Variants in COL14A1 observed in about 807,000 individuals in gnomAD.
COL14A1 encodes collagen type XIV alpha 1 chain, also known as collagen alpha-1(XIV) chain.
A neutral mutation model predicts 230.3 loss-of-function variants in COL14A1; 136 were observed. The ratio of observed to expected loss-of-function variants is 0.59; its 90% confidence interval spans 0.51 to 0.68. COL14A1 has a LOEUF of 0.68. Among genes scored for constraint, COL14A1 ranks in the 30% least tolerant of loss-of-function variants. The pLI is 0.00. For synonymous variants in COL14A1, 792 were observed against 784.1 expected (o/e 1.01, Z -0.17); for missense variants, 1,976 against 2,215.8 (o/e 0.89, Z 2.17).
At chr8:120,233,957 A>C (rs1818358366) in intron 19 of COL14A1, among the ~76,000 whole-genome samples, 1 of 152,186 alleles carries the variant, frequency 6.6e-6, no homozygotes, top group Admixed American at 6.5e-5. Flanking sequence ...TGAGCATGAA[A>C]TATTTTTCCA....
At chr8:120,293,777 G>A (rs1820442955) in intron 34 of COL14A1, among the ~76,000 whole-genome samples, 1 of 151,822 alleles carries the variant, frequency 6.6e-6, no homozygotes, top group Admixed American at 6.6e-5. Context: ...ACCATTATTT[G>A]AATTACAACC....
intron 40 of COL14A1, among the ~76,000 whole-genome samples, chr8:120,323,925 A>G (rs1385085450): frequency 6.6e-6 from 1 of 152,206 alleles, no homozygotes; most frequent in Admixed American, 6.5e-5. Flanking sequence ...TTTAAGCAAC[A>G]TGGATGGAGC....
rs777961950 is a variant in COL14A1 at position 120,208,356 on chromosome 8, C to G, written c.1316C>G (p.Thr439Ser). 6 of 1,612,468 alleles carry G rather than the reference C, an allele frequency of 3.7e-6. No individual in the cohort carries two copies. The highest frequency in any genetic ancestry group is 1.7e-5 in the Admixed American group (1 of 59,948). ...TASEGLRGTE[T>S]TLALPMASDL... ...AGTGAAGGCCTACGGGGAACTGAAA[C>G]TACACGTATGTATTTAATTCTACCC... Residue 439 changes from threonine to serine, a missense_variant, in exon 11 of 48, where the codon ACT becomes AGT. By Grantham distance (58) the Thr-to-Ser change is moderately conservative. Coordinates refer to ENST00000297848, the MANE Select transcript of COL14A1 (RefSeq NM_021110.4).
At chr8:120,174,522 A>G (rs754170366) in intron 5 of COL14A1, among the ~76,000 whole-genome samples, 3 of 152,210 alleles carry the variant, frequency 2.0e-5, no homozygotes, top group Non-Finnish European at 2.9e-5. Flanking sequence ...AATAAATACC[A>G]ATACACATTT....
chr8:120,162,720 C>T, intron 4 of COL14A1, 151 bp downstream of exon 4: 2 of 575,918 alleles, frequency 3.5e-6, no homozygotes, highest in Non-Finnish European at 5.6e-6. Flanking sequence ...CAACGAATTC[C>T]TCTGATCTCT....
rs770852333 is a variant in COL14A1, at chr8:120,227,247, C to T, written c.2032C>T (p.His678Tyr). 1.2e-6 allele frequency: 2 copies of T among 1,613,876 alleles called. No individual in the cohort carries two copies. The highest frequency in any genetic ancestry group is 1.7e-6 in the Non-Finnish European group (2 of 1,179,920). Residue 678 changes from histidine to tyrosine, a missense_variant, in exon 17 of 48, where the codon CAT becomes TAT. Physicochemically the swap from His to Tyr is moderately conservative, Grantham distance 83. Transcript: ENST00000297848. ...TGTCCTGAAAGAAGAGCAGGACTCACATGTTATTGAAGGCCTGGAGCCCGG... is the reference window on the plus strand; with the variant it reads ...TGTCCTGAAAGAAGAGCAGGACTCATATGTTATTGAAGGCCTGGAGCCCGG... Reference protein sequence around the residue: ...EVVLKEEQDSHVIEGLEPGTE... With the variant: ...EVVLKEEQDSYVIEGLEPGTE...
chr8:120,273,605 A>T (rs1217130080), intron 26 of COL14A1, among the ~76,000 whole-genome samples: 2 of 151,720 alleles, frequency 1.3e-5, no homozygotes, highest in Non-Finnish European at 3.0e-5. Flanking sequence ...ATGAAAATAG[A>T]GACATTACAA....
intron 1 of COL14A1, among the ~76,000 whole-genome samples, chr8:120,134,018 A>G (rs905754752): frequency 2.0e-5 from 3 of 152,082 alleles, no homozygotes; most frequent in African/African-American, 7.2e-5. Context: ...AATAAAACAT[A>G]TATGTATATA....
At position 120,243,971 on chromosome 8, in the gene COL14A1, T is replaced by C. The variant is rs1818687970; in HGVS notation, c.2442T>C (p.Asp814=). The change falls in exon 20 of 48, where the codon GAT becomes GAC. Residue 814 remains aspartate (D), a synonymous_variant. Transcript: ENST00000297848. ...TCACAGTGACTCCCATCTACACGGA[T>C]GGCGAAGGCGTCAGCGTCTCCGCTC... ...YKVTVTPIYT[D]GEGVSVSAPG... 1.9e-6 allele frequency: 3 copies of C among 1,613,584 alleles called. No individual in the cohort carries two copies. The highest frequency in any genetic ancestry group is 2.5e-6 in the Non-Finnish European group (3 of 1,179,622).
At chr8:120,250,843 T>C in intron 22 of COL14A1, 77 bp downstream of exon 22, 1 of 1,536,132 alleles carries the variant, frequency 6.5e-7, no homozygotes, top group Non-Finnish European at 8.8e-7. Context: ...AGTCTCGCTC[T>C]GTCGCTCAGG....
At chr8:120,138,829 T>C (rs1012332786) in intron 1 of COL14A1, among the ~76,000 whole-genome samples, 1 of 152,206 alleles carries the variant, frequency 6.6e-6, no homozygotes, top group Non-Finnish European at 1.5e-5. Context: ...CTTTTGTTGT[T>C]GTTTTTTTGG....
intron 5 of COL14A1, among the ~76,000 whole-genome samples, chr8:120,181,121 C>A (rs1255836480): frequency 6.6e-6 from 1 of 152,180 alleles, no homozygotes; most frequent in Non-Finnish European, 1.5e-5. Flanking sequence ...ATGCAAGAAT[C>A]TGACTGGCCA....
chr8:120,247,054 G>T (rs527827737), intron 20 of COL14A1, among the ~76,000 whole-genome samples: 1 of 152,220 alleles, frequency 6.6e-6, no homozygotes, highest in Non-Finnish European at 1.5e-5. Context: ...GATGAATAGG[G>T]AATCAAAATA....
intron 45 of COL14A1, among the ~76,000 whole-genome samples, chr8:120,356,631 T>C (rs1324577850): frequency 1.3e-5 from 2 of 151,882 alleles, no homozygotes; most frequent in East Asian, 1.9e-4. Context: ...ATTTCAGTTG[T>C]AATTAGTGCT....
At chr8:120,148,567 T>C (rs1260508748) in intron 2 of COL14A1, among the ~76,000 whole-genome samples, 1 of 152,220 alleles carries the variant, frequency 6.6e-6, no homozygotes, top group African/African-American at 2.4e-5. Context: ...TTTACAGCTG[T>C]ATTAATAAAG....
intron 15 of COL14A1, 108 bp downstream of exon 15, chr8:120,225,322 T>C: frequency 1.1e-6 from 1 of 910,720 alleles, no homozygotes; most frequent in Non-Finnish European, 1.6e-6. Context: ...GATTAAATTT[T>C]AATTTTTATT....
chr8:120,226,833 T>A, intron 16 of COL14A1, 67 bp downstream of exon 16: 1 of 1,441,052 alleles, frequency 6.9e-7, no homozygotes, highest in Non-Finnish European at 9.6e-7. Context: ...CTGCTGGAGT[T>A]GGTCTTCACT....
intron 40 of COL14A1, among the ~76,000 whole-genome samples, 187 bp downstream of exon 40, chr8:120,316,184 G>T (rs780072962): frequency 6.6e-6 from 1 of 152,102 alleles, no homozygotes; most frequent in African/African-American, 2.4e-5. Flanking sequence ...TCATTACTTC[G>T]TCAAACCCTA....
intron 33 of COL14A1, among the ~76,000 whole-genome samples, chr8:120,288,247 A>G (rs989001355): frequency 6.6e-6 from 1 of 152,160 alleles, no homozygotes; most frequent in Non-Finnish European, 1.5e-5. Flanking sequence ...GGTGGGGTTT[A>G]TTCCATCAAT....
Sources: gnomAD v4.1 joint callset for allele counts (sites outside exome capture counted in the v4.1 genomes callset) on GRCh38, gnomAD v4.1.1 for gene constraint, MANE v1.5 for transcripts, NCBI Gene and HGNC (gene_info 2026-07-23, HGNC 2026-07-21) for gene names.